PARD6G: variants seen among roughly 807,000 people sequenced by gnomAD.
PARD6G encodes the protein partitioning defective 6 homolog gamma.
PARD6G carries 7 observed loss-of-function variants against 10.7 expected under a neutral mutation model. The ratio of observed to expected loss-of-function variants is 0.66; its 90% confidence interval spans 0.37 to 1.23. The LOEUF (loss-of-function observed/expected upper bound fraction) is 1.23, where lower values mean the gene tolerates loss of function less well. PARD6G is among the 50% of genes most tolerant of loss of function. The pLI, the probability that PARD6G is intolerant of heterozygous loss-of-function variation, is 0.02. For missense variants in PARD6G, 548 were observed against 571.8 expected (o/e 0.96, Z 0.42); for synonymous variants, 287 against 269.4 (o/e 1.07, Z -0.64).
At chr18:80,234,164 T>C (rs945068660) in intron 1 of PARD6G, among the ~76,000 whole-genome samples, 1 of 152,014 alleles carries the variant, frequency 6.6e-6, no homozygotes, top group East Asian at 1.9e-4. Flanking sequence ...ACTTTCATTG[T>C]ACACAAAGGG....
At chr18:80,229,088 G>A (rs1047867498) in intron 1 of PARD6G, among the ~76,000 whole-genome samples, 2 of 152,072 alleles carry the variant, frequency 1.3e-5, no homozygotes, top group Non-Finnish European at 2.9e-5. Flanking sequence ...ACAGGTGCAT[G>A]CCACCACACC....
rs187720825 is a variant in PARD6G, at chr18:80,182,753, G to A, written c.295+19957C>T. ...ATCCACCTGCACCATTGATTCTCTC[G>A]TGTCAGGTGCATCCACGGGGCTTAT... On this transcript the variant is annotated intron_variant, in intron 2 of 2. Coordinates refer to ENST00000353265, the MANE Select transcript of PARD6G (RefSeq NM_032510.4). The surrounding 1 kb of genome is among the most constrained non-coding windows in gnomAD (Gnocchi z 4.5). The A allele has an allele frequency of 2.5e-5, 5 of 198,010 alleles. No individual in the cohort carries two copies. The highest frequency in any genetic ancestry group is 2.4e-4 in the East Asian group (2 of 8,406). The allele number at this position is 198,010 out of a possible 1,614,324, so 12.3% of individuals were successfully genotyped here. A position where few individuals can be genotyped will look rare whatever the true frequency, so the allele number is the denominator to read the frequency against.
chr18:80,174,047 G>A (rs900818497), intron 2 of PARD6G, among the ~76,000 whole-genome samples: 11 of 152,196 alleles, frequency 7.2e-5, no homozygotes, highest in African/African-American at 2.7e-4. Flanking sequence ...CTGGACCAGT[G>A]CTGAGCCCAG....
chr18:80,191,380 G>A lies in PARD6G; in HGVS notation c.295+11330C>T, dbSNP rs1016418660. Among the ~76,000 whole-genome samples the A allele has an allele frequency of 2.6e-5, 4 of 152,130 alleles. No individual in the cohort carries two copies. In the South Asian group the frequency reaches 8.3e-4, roughly 32 times the overall value. ...CTTCTTTCTTTTTTTCCTCTGCTCT[G>A]TATGGTTCTTTGGGCTTTATCAACC... On this transcript the variant is annotated intron_variant, in intron 2 of 2. Coordinates refer to ENST00000353265, the MANE Select transcript of PARD6G (RefSeq NM_032510.4).
intron 1 of PARD6G, among the ~76,000 whole-genome samples, chr18:80,212,712 C>T (rs1368032152): frequency 6.6e-6 from 1 of 151,846 alleles, no homozygotes; most frequent in Non-Finnish European, 1.5e-5. Flanking sequence ...GGTGAAACCC[C>T]ATCTCTACTA....
chr18:80,179,165 C>G (rs1447102108), intron 2 of PARD6G, among the ~76,000 whole-genome samples: 2 of 152,116 alleles, frequency 1.3e-5, no homozygotes, highest in Non-Finnish European at 2.9e-5. Flanking sequence ...CACAGCCAAG[C>G]CCACGTGGTG....
chr18:80,159,734 G>T lies in PARD6G; in HGVS notation c.*37C>A. The T allele has an allele frequency of 1.5e-6, 2 of 1,363,216 alleles. No homozygotes were observed. The highest frequency in any genetic ancestry group is 3.8e-5 in the South Asian group (2 of 52,950). The allele number at this position is 1,363,216 out of a possible 1,614,324, so 84.4% of individuals were successfully genotyped here. On this transcript the variant is annotated 3_prime_UTR_variant, in exon 3 of 3. Transcript: ENST00000353265. ...GCAGGTCCTGTCCCTGTCCTTACCGGGGAACTGGAGCTAGGATTTGGGGGC... is the reference window on the plus strand; with the variant it reads ...GCAGGTCCTGTCCCTGTCCTTACCGTGGAACTGGAGCTAGGATTTGGGGGC...
At chr18:80,164,549 G>T (rs933023305) in intron 2 of PARD6G, among the ~76,000 whole-genome samples, 4 of 152,262 alleles carry the variant, frequency 2.6e-5, no homozygotes, top group South Asian at 2.1e-4. Flanking sequence ...TCAAGGACTT[G>T]AGCAGAGGGG....
chr18:80,170,364 G>A (rs2052767537), intron 2 of PARD6G: 1 of 152,276 alleles, frequency 6.6e-6, no homozygotes. Context: ...ATCCTCAGGG[G>A]ATTCTTCCAG....
intron 1 of PARD6G, among the ~76,000 whole-genome samples, chr18:80,241,043 A>G (rs1184561765): frequency 2.6e-5 from 4 of 152,218 alleles, no homozygotes; most frequent in Non-Finnish European, 1.5e-5. Flanking sequence ...GAGGCCATGC[A>G]GCAAGAACCT....
chr18:80,211,676 G>A (rs776531357), intron 1 of PARD6G, among the ~76,000 whole-genome samples: 7 of 152,162 alleles, frequency 4.6e-5, no homozygotes, highest in Admixed American at 1.3e-4. Flanking sequence ...ATCAATGGAT[G>A]AATAGGCAAA....
intron 1 of PARD6G, chr18:80,203,133 T>C: frequency 1.9e-6 from 1 of 527,892 alleles, no homozygotes; most frequent in East Asian, 3.5e-5. Context: ...CAAATGCTTT[T>C]AATACGATTT....
chr18:80,164,891 C>T (rs764880556), intron 2 of PARD6G, among the ~76,000 whole-genome samples: 19 of 152,076 alleles, frequency 1.2e-4, no homozygotes, highest in African/African-American at 1.7e-4. Context: ...AAAAAGCAGA[C>T]GTACTAATAA....
Position 80,181,073 on chromosome 18 carries a change from G to C in PARD6G, c.296-20467C>G, listed in dbSNP as rs1423115961. ...GTTCAAAGGTCTGAACCTCACGCGC[G>C]ATCTCGACATTAGAACATGGGCTGC... On this transcript the variant is annotated intron_variant, in intron 2 of 2. Coordinates refer to ENST00000353265, the MANE Select transcript of PARD6G (RefSeq NM_032510.4). This position sits in a 1 kb window ranked among gnomAD's most constrained non-coding sequence, Gnocchi z 7.9. Among the ~76,000 whole-genome samples the C allele has an allele frequency of 6.6e-6, 1 of 152,186 alleles. No homozygotes were observed. Among genetic ancestry groups the C allele is most frequent in the Admixed American group, 6.5e-5 (1 of 15,288 alleles).
At chr18:80,203,222 C>T (rs1436996221) in intron 1 of PARD6G, among the ~76,000 whole-genome samples, 2 of 152,138 alleles carry the variant, frequency 1.3e-5, no homozygotes, top group African/African-American at 2.4e-5. Flanking sequence ...TGAGATATCT[C>T]ATACTGTTTG....
intron 1 of PARD6G, among the ~76,000 whole-genome samples, chr18:80,209,124 C>CA (rs796904159): frequency 0.018 from 2,551 of 143,906 alleles, 65 homozygotes; most frequent in African/African-American, 0.059. Flanking sequence ...AACAAACAAA[C>CA]AAAAAAAAAA....
Position 80,246,464 on chromosome 18 carries a change from G to T in PARD6G, c.72+813C>A, listed in dbSNP as rs1438936463. On this transcript the variant is annotated intron_variant, in intron 1 of 2. Coordinates refer to ENST00000353265, the MANE Select transcript of PARD6G (RefSeq NM_032510.4). This position sits in a 1 kb window ranked among gnomAD's most constrained non-coding sequence, Gnocchi z 6.7. ...CACGCTCCGCCCGGGCGCAGGCAGC[G>T]GGAGGGGCCGGGCACGCCCGTGGGG... 6.6e-6 allele frequency among the ~76,000 whole-genome samples: 1 copy of T among 152,156 alleles called. No homozygotes were observed. Among genetic ancestry groups the T allele is most frequent in the Non-Finnish European group, 1.5e-5 (1 of 67,992 alleles).
chr18:80,160,927 A>T (rs1418385961), intron 2 of PARD6G, among the ~76,000 whole-genome samples: 1 of 152,228 alleles, frequency 6.6e-6, no homozygotes, highest in African/African-American at 2.4e-5. Flanking sequence ...CGAGTGCCTC[A>T]GCCTTCTGGG....
At chr18:80,226,239 T>C (rs936019428) in intron 1 of PARD6G, among the ~76,000 whole-genome samples, 1 of 142,266 alleles carries the variant, frequency 7.0e-6, no homozygotes, top group Non-Finnish European at 1.5e-5. Flanking sequence ...AGTGTGATCT[T>C]GGCTCACCGC....
Sources: allele counts gnomAD v4.1 joint callset (sites outside exome capture counted in the v4.1 genomes callset), GRCh38; gene constraint gnomAD v4.1.1; non-coding constraint Gnocchi (gnomAD v3.1); transcripts MANE v1.5; gene names NCBI Gene and HGNC (gene_info 2026-07-23, HGNC 2026-07-21).